Variants in MYCT1 observed in about 807,000 individuals in gnomAD.
MYCT1 encodes myc target protein 1.
Under a neutral mutation model 15.0 loss-of-function variants are expected in MYCT1, and 12 were observed. The ratio of observed to expected loss-of-function variants is 0.80; its 90% CI spans 0.51 to 1.29. The LOEUF is 1.29. Among genes scored for constraint, MYCT1 ranks in the 50% most tolerant of loss-of-function variants. The pLI, the probability that MYCT1 is intolerant of heterozygous loss-of-function variation, is 0.00. For synonymous variants in MYCT1, 104 were observed against 102.7 expected (o/e 1.01, Z -0.07); for missense variants, 287 against 279.1 (o/e 1.03, Z -0.20).
At chr6:152,707,278 T>TCA (rs1311645511) in intron 1 of MYCT1, among the ~76,000 whole-genome samples, 1 of 152,162 alleles carries the variant, frequency 6.6e-6, no homozygotes, top group Non-Finnish European at 1.5e-5. Context: ...TTTTTTCATC[T>TCA]ACCTATTGGT....
chr6:152,729,972 G>T, the MYCT1 span, among the ~76,000 whole-genome samples: 4 of 152,110 alleles, frequency 2.6e-5, no homozygotes, highest in Non-Finnish European at 5.9e-5. Context: ...CTTCAACATG[G>T]AAAGAAAGGA....
the MYCT1 span, among the ~76,000 whole-genome samples, chr6:152,741,128 A>G: frequency 6.6e-6 from 1 of 152,186 alleles, no homozygotes; most frequent in East Asian, 1.9e-4. Context: ...AACTTTGTCA[A>G]TGTTTCCAGT....
At chr6:152,713,246 T>C (rs1249154555) in intron 1 of MYCT1, among the ~76,000 whole-genome samples, 1 of 152,112 alleles carries the variant, frequency 6.6e-6, no homozygotes, top group African/African-American at 2.4e-5. Context: ...TCCATTTTGT[T>C]ATTTCTTATA....
chr6:152,733,340 C>A, the MYCT1 span, among the ~76,000 whole-genome samples: 46 of 152,008 alleles, frequency 3.0e-4, 1 homozygote, highest in African/African-American at 1.1e-3. Context: ...TGAGCTCAAG[C>A]AATCTGCCTG....
chr6:152,720,019 G>A (rs1354355692), intron 1 of MYCT1, among the ~76,000 whole-genome samples: 2 of 151,874 alleles, frequency 1.3e-5, no homozygotes, highest in African/African-American at 2.4e-5. Flanking sequence ...ACAATCCTGT[G>A]GATTGGTAAT....
At chr6:152,724,999 TA>T (rs1228943641), downstream of MYCT1, among the ~76,000 whole-genome samples, 1 of 151,810 alleles carries the variant, frequency 6.6e-6, no homozygotes, top group Non-Finnish European at 1.5e-5. Flanking sequence ...AATGGCTATC[TA>T]AAAAAATAGA....
At chr6:152,735,473 A>T in the MYCT1 span, among the ~76,000 whole-genome samples, 1 of 152,098 alleles carries the variant, frequency 6.6e-6, no homozygotes, top group South Asian at 2.1e-4. Context: ...ACCGAATTGG[A>T]TCACCATATG....
chr6:152,700,817 T>C (rs1209763972), intron 1 of MYCT1, among the ~76,000 whole-genome samples: 2 of 152,186 alleles, frequency 1.3e-5, no homozygotes, highest in African/African-American at 4.8e-5. Flanking sequence ...TGTCTTGCTT[T>C]GCATTTTTTT....
At chr6:152,735,540 G>A in the MYCT1 span, among the ~76,000 whole-genome samples, 9 of 152,154 alleles carry the variant, frequency 5.9e-5, no homozygotes, top group African/African-American at 1.9e-4. Flanking sequence ...GGACATTGAT[G>A]TTTAGAGGTA....
chr6:152,707,572 C>G (rs781282280), intron 1 of MYCT1, among the ~76,000 whole-genome samples: 6 of 151,820 alleles, frequency 4.0e-5, no homozygotes, highest in Non-Finnish European at 8.8e-5. Flanking sequence ...TATAATTGCC[C>G]AGATCAATAT....
rs1458571176 is a variant in MYCT1, at chr6:152,712,593, C to T, written c.197-9149C>T. 1.1e-4 allele frequency among the ~76,000 whole-genome samples: 2 copies of T among 18,344 alleles called. 1 individual carries two copies. The highest frequency in any genetic ancestry group is 3.4e-4 in the Non-Finnish European group (2 of 5,922). The allele number at this position is 18,344 out of a possible 152,430, so 12.0% of individuals were successfully genotyped here. A position where few individuals can be genotyped will look rare whatever the true frequency, so the allele number is the denominator to read the frequency against. ...AAATGCAGAAATCACCCGTCTTCTG[C>T]GTCGCTCACCCTGGGAGCTGTAGAC... On this transcript the variant is annotated intron_variant, in intron 1 of 1. Coordinates refer to ENST00000367245, the MANE Select transcript of MYCT1 (RefSeq NM_025107.3).
At chr6:152,725,826 C>A (rs1339205774), downstream of MYCT1, among the ~76,000 whole-genome samples, 2 of 152,088 alleles carry the variant, frequency 1.3e-5, no homozygotes, top group African/African-American at 2.4e-5. Flanking sequence ...ACCAAGCCTG[C>A]TATACTAGCC....
rs1458925214 is a variant in MYCT1, at chr6:152,712,635, C to T, written c.197-9107C>T. On this transcript the variant is annotated intron_variant, in intron 1 of 1. Coordinates refer to ENST00000367245, the MANE Select transcript of MYCT1 (RefSeq NM_025107.3). Reference sequence around the variant, plus strand: ...GCTGTAGACCGGAGCTGTTCCTATTCGGCCATCTTGGCTCCTCCCCCTGAA... The same window carrying T: ...GCTGTAGACCGGAGCTGTTCCTATTTGGCCATCTTGGCTCCTCCCCCTGAA... Among the ~76,000 whole-genome samples the T allele has an allele frequency of 2.5e-4, 4 of 16,106 alleles. 1 individual carries two copies. The highest frequency in any genetic ancestry group is 1.4e-3 in the Admixed American group (1 of 730). The allele number at this position is 16,106 out of a possible 152,430, so 10.6% of individuals were successfully genotyped here. A position where few individuals can be genotyped will look rare whatever the true frequency, so the allele number is the denominator to read the frequency against.
chr6:152,738,447 C>A, the MYCT1 span, among the ~76,000 whole-genome samples: 2 of 151,680 alleles, frequency 1.3e-5, no homozygotes, highest in African/African-American at 2.4e-5. Context: ...TTTGCCAATT[C>A]CTTGACAAGT....
intron 1 of MYCT1, among the ~76,000 whole-genome samples, chr6:152,718,066 T>A (rs530457087): frequency 6.6e-6 from 1 of 152,148 alleles, no homozygotes; most frequent in African/African-American, 2.4e-5. Flanking sequence ...ATTTTGGGCA[T>A]AGACAATAGG....
the MYCT1 span, among the ~76,000 whole-genome samples, chr6:152,738,051 A>G: frequency 6.6e-6 from 1 of 152,118 alleles, no homozygotes; most frequent in Admixed American, 6.6e-5. Flanking sequence ...CTTTATTTGT[A>G]ACAGAAAATA....
chr6:152,732,512 G>A, the MYCT1 span, among the ~76,000 whole-genome samples: 11 of 152,054 alleles, frequency 7.2e-5, no homozygotes, highest in Middle Eastern at 3.4e-3. Context: ...ATGAAATAGC[G>A]GCATGCAATA....
At chr6:152,700,498 A>G (rs2099721125) in intron 1 of MYCT1, among the ~76,000 whole-genome samples, 2 of 152,166 alleles carry the variant, frequency 1.3e-5, no homozygotes, top group South Asian at 4.1e-4. Flanking sequence ...CAAAAACAAT[A>G]GCTTGCATTT....
In MYCT1 at chr6:152,698,431, T is replaced by C. The variant is rs73631768; in HGVS notation, c.196+333T>C. Among the ~76,000 whole-genome samples the C allele has an allele frequency of 8.6e-3, 1,301 of 152,132 alleles. 23 individuals are homozygous for C. The highest frequency in any genetic ancestry group is 0.029 in the African/African-American group (1,224 of 41,550). On this transcript the variant is annotated intron_variant, in intron 1 of 1. Coordinates refer to ENST00000367245, the MANE Select transcript of MYCT1 (RefSeq NM_025107.3). ...AAAAATAAAAAACATAAGGTGGAGGTAATTCCTGCTTAGAATATGGCATGT... is the reference window on the plus strand; with the variant it reads ...AAAAATAAAAAACATAAGGTGGAGGCAATTCCTGCTTAGAATATGGCATGT...
Sources: allele counts gnomAD v4.1 joint callset (sites outside exome capture counted in the v4.1 genomes callset), GRCh38; gene constraint gnomAD v4.1.1; transcripts MANE v1.5; gene names NCBI Gene and HGNC (gene_info 2026-07-23, HGNC 2026-07-21).